CYFIP1: variants seen among roughly 807,000 people sequenced by gnomAD.
CYFIP1 encodes the protein cytoplasmic FMR1-interacting protein 1.
CYFIP1 carries 58 observed loss-of-function variants against 163.5 expected under a neutral mutation model. That is an observed-to-expected ratio of 0.35 (90% CI 0.29 to 0.44). CYFIP1 has a LOEUF of 0.44. CYFIP1 is among the 20% of genes least tolerant of loss of function. CYFIP1 has a pLI of 1.00. For missense variants in CYFIP1, 1,338 were observed against 1,653.8 expected (o/e 0.81, Z 3.31); for synonymous variants, 663 against 660.7 (o/e 1.00, Z -0.05).
chr15:22,883,633 C>A (rs184030793), intron 23 of CYFIP1, among the ~76,000 whole-genome samples: 1,628 of 152,086 alleles, frequency 0.011, 23 homozygotes, highest in Non-Finnish European at 0.018. Flanking sequence ...CTGGCTAACA[C>A]GGTGAAACCC....
At chr15:22,887,329 CT>C in intron 23 of CYFIP1, among the ~76,000 whole-genome samples, 1 of 152,332 alleles carries the variant, frequency 6.6e-6, no homozygotes, top group South Asian at 2.1e-4. Flanking sequence ...GGCCCAAGCC[CT>C]GCGGCCCGCT....
chr15:22,906,398 G>A (rs900347239), intron 21 of CYFIP1, among the ~76,000 whole-genome samples: 6 of 151,130 alleles, frequency 4.0e-5, no homozygotes, highest in Admixed American at 3.3e-4. Flanking sequence ...GTGAGCCACC[G>A]TGCCCAGCCT....
Position 22,867,487 on chromosome 15 carries a change from C to CTCA in CYFIP1, c.*2538_*2540dup, listed in dbSNP as rs1454498244. The CTCA allele has an allele frequency of 2.6e-5, 8 of 307,168 alleles. No homozygotes were observed. The highest frequency in any genetic ancestry group is 4.3e-5 in the African/African-American group (2 of 46,744). 19.0% of individuals were successfully genotyped at this position (307,168 alleles called of 1,614,324 possible). A position where few individuals can be genotyped will look rare whatever the true frequency, so the allele number is the denominator to read the frequency against. On this transcript the variant is annotated 3_prime_UTR_variant, in exon 31 of 31. Transcript: ENST00000617928. The stretch of plus-strand genomic sequence containing the variant: ...TCTGAGCATTCGATGGCCTTAGCAC[C>CTCA]TCATCAAGCCAGCACATCCTGCCTG...
At chr15:22,870,631 T>C (rs935442937) in intron 30 of CYFIP1, among the ~76,000 whole-genome samples, 2 of 152,180 alleles carry the variant, frequency 1.3e-5, no homozygotes, top group African/African-American at 2.4e-5. Flanking sequence ...ATCTCTTTAA[T>C]GCAACAGTTG....
At chr15:22,958,928 C>T (rs2062578799) in intron 1 of CYFIP1, among the ~76,000 whole-genome samples, 1 of 152,226 alleles carries the variant, frequency 6.6e-6, no homozygotes, top group Non-Finnish European at 1.5e-5. Context: ...CAGTATTCCA[C>T]AGAATAAAGT....
intron 1 of CYFIP1, among the ~76,000 whole-genome samples, chr15:22,950,402 AGAAG>A (rs1288050229): frequency 6.6e-6 from 1 of 152,014 alleles, no homozygotes; most frequent in Non-Finnish European, 1.5e-5. Flanking sequence ...TCAGAGAGAG[AGAAG>A]GAAGGGGTCA....
chr15:22,921,846 T>A (rs1038801067), intron 13 of CYFIP1, among the ~76,000 whole-genome samples: 1 of 151,192 alleles, frequency 6.6e-6, no homozygotes, highest in African/African-American at 2.4e-5. Context: ...ATAGACAGAT[T>A]AAGAGATTAT....
At chr15:22,927,792 A>C in intron 12 of CYFIP1, 114 bp downstream of exon 12, 1 of 1,038,264 alleles carries the variant, frequency 9.6e-7, no homozygotes, top group Non-Finnish European at 1.3e-6. Flanking sequence ...ATCTACTGAT[A>C]GATATTCTCG....
chr15:22,964,353 TCACACACACACACACACA>T lies in CYFIP1; in HGVS notation c.-7+15916_-7+15933del, dbSNP rs71117466. On this transcript the variant is annotated intron_variant, in intron 1 of 30. Coordinates refer to ENST00000617928, the MANE Select transcript of CYFIP1 (RefSeq NM_014608.6). ...CCAGCAGACTCCGCAACCTCATCAC[TCACACACACACACACACA>T]CACACACACACACACACACACACAC... Among the ~76,000 whole-genome samples, 755 of 78,754 alleles carry T rather than the reference TCACACACACACACACACA, an allele frequency of 9.6e-3. 14 individuals carry two copies. Among genetic ancestry groups the T allele is most frequent in the South Asian group, 0.08 (149 of 1,866 alleles). 51.7% of individuals were successfully genotyped at this position (78,754 alleles called of 152,430 possible).
chr15:22,957,441 C>A (rs1480631520), intron 1 of CYFIP1, among the ~76,000 whole-genome samples: 1 of 152,150 alleles, frequency 6.6e-6, no homozygotes, highest in Non-Finnish European at 1.5e-5. Context: ...TCAAGACCAT[C>A]CTAGCTAACA....
At chr15:22,875,798 T>A (rs2059566043) in intron 26 of CYFIP1, among the ~76,000 whole-genome samples, 1 of 149,934 alleles carries the variant, frequency 6.7e-6, no homozygotes, top group African/African-American at 2.4e-5. Flanking sequence ...AAAACAAAGT[T>A]CTAGGCCATC....
intron 1 of CYFIP1, among the ~76,000 whole-genome samples, chr15:22,951,826 G>A (rs2062258898): frequency 6.6e-6 from 1 of 152,194 alleles, no homozygotes; most frequent in South Asian, 2.1e-4. Flanking sequence ...AGGCTCGGGG[G>A]AGAACTGCTC....
At chr15:22,879,412 T>G (rs1273358942) in intron 26 of CYFIP1, among the ~76,000 whole-genome samples, 1 of 152,128 alleles carries the variant, frequency 6.6e-6, no homozygotes, top group African/African-American at 2.4e-5. Flanking sequence ...TGCCACGTCC[T>G]AAGAGGGGGT....
intron 26 of CYFIP1, among the ~76,000 whole-genome samples, chr15:22,875,695 AG>A (rs2059562013): frequency 6.6e-6 from 1 of 151,912 alleles, no homozygotes; most frequent in African/African-American, 2.4e-5. Context: ...CACTGACAGA[AG>A]GAAGGGGCGT....
rs1299344757 is a variant in CYFIP1, at chr15:22,917,733, C to T, written c.1674+55G>A. ...CCTCACCAGCCCCACCCGCTCACAG[C>T]TCAGGGTGGGTCCCCCCAGGGAGAG... On this transcript the variant is annotated intron_variant, in intron 15 of 30. Transcript: ENST00000617928. The surrounding 1 kb of genome is among the most constrained non-coding windows in gnomAD (Gnocchi z 4.2). The T allele has an allele frequency of 6.5e-7, 1 of 1,528,902 alleles. No homozygotes were observed. The highest frequency in any genetic ancestry group is 1.4e-5 in the African/African-American group (1 of 69,446). The allele number at this position is 1,528,902 out of a possible 1,614,324, so 94.7% of individuals were successfully genotyped here. A position where few individuals can be genotyped will look rare whatever the true frequency, so the allele number is the denominator to read the frequency against.
intron 21 of CYFIP1, chr15:22,904,372 C>CA: frequency 8.6e-6 from 2 of 233,334 alleles, no homozygotes; most frequent in South Asian, 1.3e-4. Flanking sequence ...TGCAAGCCCT[C>CA]ACGTGCGCTG....
At chr15:22,963,017 G>A (rs1404825790) in intron 1 of CYFIP1, among the ~76,000 whole-genome samples, 3 of 152,036 alleles carry the variant, frequency 2.0e-5, no homozygotes, top group Admixed American at 6.6e-5. Context: ...CACAGGGCTC[G>A]GCAAGCATTT....
At chr15:22,971,118 A>T (rs1448208514) in intron 1 of CYFIP1, among the ~76,000 whole-genome samples, 1 of 152,180 alleles carries the variant, frequency 6.6e-6, no homozygotes, top group Non-Finnish European at 1.5e-5. Context: ...AAGTTAATTC[A>T]AAACAGATCA....
chr15:22,910,662 C>A, intron 19 of CYFIP1, 34 bp from the exon 20 acceptor site: 1 of 1,606,118 alleles, frequency 6.2e-7, no homozygotes, highest in Non-Finnish European at 8.5e-7. Context: ...GTTTTTCATA[C>A]GCCATAAATT....
Sources: allele counts gnomAD v4.1 joint callset (sites outside exome capture counted in the v4.1 genomes callset), GRCh38; gene constraint gnomAD v4.1.1; non-coding constraint Gnocchi (gnomAD v3.1); transcripts MANE v1.5; gene names NCBI Gene and HGNC (gene_info 2026-07-23, HGNC 2026-07-21).